Variants in FRMPD1 observed in about 807,000 individuals in gnomAD.
The protein encoded by FRMPD1 is FERM and PDZ domain-containing protein 1.
FRMPD1 carries 76 observed loss-of-function variants against 117.8 expected under a neutral mutation model. That is an observed-to-expected ratio of 0.65 (90% CI 0.54 to 0.78). FRMPD1 has a LOEUF of 0.78. FRMPD1 is among the 30% of genes least tolerant of loss of function. The probability of loss-of-function intolerance (pLI) is 0.00; values close to 1 mark genes in which losing one functional copy is unlikely to be tolerated. For missense variants in FRMPD1, 1,786 were observed against 1,964.5 expected, an observed-to-expected ratio of 0.91 and a Z score of 1.72; for synonymous variants, 783 against 770.4, an observed-to-expected ratio of 1.02 and a Z score of -0.27.
rs141619958 is a variant in FRMPD1, at chr9:37,658,054, A to T, written c.-5+6960A>T. On this transcript the variant is annotated intron_variant, in intron 1 of 15. Coordinates refer to ENST00000377765, the MANE Select transcript of FRMPD1 (RefSeq NM_014907.3). The stretch of plus-strand genomic sequence containing the variant: ...AAATCCATTTCTTCTTCCCTATGAC[A>T]GCTAGTTAGGCCACTTGGACCTTCA... 4.2e-3 allele frequency among the ~76,000 whole-genome samples: 640 copies of T among 152,252 alleles called. 4 individuals are homozygous for T. The highest frequency in any genetic ancestry group is 0.015 in the African/African-American group (604 of 41,542).
intron 5 of FRMPD1, among the ~76,000 whole-genome samples, chr9:37,717,858 A>T (rs1028278032): frequency 6.6e-6 from 1 of 152,128 alleles, no homozygotes; most frequent in Non-Finnish European, 1.5e-5. Flanking sequence ...CCCTAGATTC[A>T]AGAGGTATGG....
intron 9 of FRMPD1, among the ~76,000 whole-genome samples, chr9:37,731,340 A>G (rs1306309569): frequency 1.3e-5 from 2 of 152,178 alleles, no homozygotes; most frequent in Non-Finnish European, 1.5e-5. Context: ...TAGATGATAC[A>G]TTTTCTAATA....
chr9:37,745,895 G>A lies in FRMPD1; in HGVS notation c.3863G>A (p.Cys1288Tyr). 1.2e-6 allele frequency: 2 copies of A among 1,614,228 alleles called. No homozygotes were observed. The highest frequency in any genetic ancestry group is 1.7e-6 in the Non-Finnish European group (2 of 1,180,050). ...GGCAAAAGTGACAGCTCTAGCATCT[G>A]CCTTTCTGCTGAGAAGTCTTTTCTG... ...SEGKSDSSSICLSAEKSFLCF... is the reference protein window; with the variant it reads ...SEGKSDSSSIYLSAEKSFLCF... Residue 1288 changes from cysteine to tyrosine, a missense_variant, in exon 16 of 16, where the codon TGC (cysteine) becomes TAC (tyrosine). Cys to Tyr is a radical substitution (Grantham distance 194, BLOSUM62 -2). Coordinates refer to ENST00000377765, the MANE Select transcript of FRMPD1 (RefSeq NM_014907.3).
intron 1 of FRMPD1, among the ~76,000 whole-genome samples, chr9:37,688,953 A>G (rs188580217): frequency 5.7e-4 from 87 of 152,216 alleles, no homozygotes; most frequent in Middle Eastern, 3.4e-3. Context: ...AAACTAAGTT[A>G]AACATTATTA....
chr9:37,746,231 G>T lies in FRMPD1; in HGVS notation c.4199G>T (p.Trp1400Leu). Residue 1400 changes from tryptophan (W) to leucine (L), a missense_variant, in exon 16 of 16, where the codon TGG (tryptophan) becomes TTG (leucine). Trp to Leu is a moderately conservative substitution (Grantham distance 61). Coordinates refer to ENST00000377765, the MANE Select transcript of FRMPD1 (RefSeq NM_014907.3). ...TAPLSRKSHI[W>L]PEYCSRALRQ... ...CCCCTGTCGAGGAAAAGCCACATCT[G>T]GCCAGAGTACTGCTCCAGGGCACTG... 1 of 1,613,026 alleles carries T rather than the reference G, an allele frequency of 6.2e-7. No individual in the cohort carries two copies.
Position 37,724,208 on chromosome 9 carries a change from A to C in FRMPD1, c.517-17A>C. ...TAAAAAAAGACAGGGATACAACAAT[A>C]CTCTTGTGTTTTCCAGGGTAATTCT... On this transcript the variant is annotated splice_polypyrimidine_tract_variant and intron_variant, in intron 6 of 15. Transcript: ENST00000377765. 1 of 1,345,254 alleles carries C rather than the reference A, an allele frequency of 7.4e-7. No homozygotes were observed. Among genetic ancestry groups the C allele is most frequent in the Non-Finnish European group, 1.1e-6 (1 of 935,132 alleles). 83.3% of individuals were successfully genotyped at this position (1,345,254 alleles called of 1,614,324 possible). A position where few individuals can be genotyped will look rare whatever the true frequency, so the allele number is the denominator to read the frequency against.
intron 8 of FRMPD1, among the ~76,000 whole-genome samples, chr9:37,730,194 C>G (rs1405274617): frequency 6.6e-6 from 1 of 152,176 alleles, no homozygotes; most frequent in Non-Finnish European, 1.5e-5. Flanking sequence ...GCACCTGCTG[C>G]CTTTGAGCCA....
chr9:37,656,528 A>G (rs1367535863), intron 1 of FRMPD1, among the ~76,000 whole-genome samples: 1 of 152,228 alleles, frequency 6.6e-6, no homozygotes, highest in Non-Finnish European at 1.5e-5. Context: ...CTTAACACCA[A>G]TCAATGTATA....
Position 37,740,875 on chromosome 9 carries a change from C to T in FRMPD1, c.2347C>T (p.Pro783Ser). 5.0e-6 allele frequency: 8 copies of T among 1,613,490 alleles called. No individual in the cohort carries two copies. The highest frequency in any genetic ancestry group is 6.8e-6 in the Non-Finnish European group (8 of 1,179,392). ...DAADKLTPPG[P>S]PSGPRDVSTA... Reference sequence around the variant, plus strand: ...GGCTGATAAGCTCACTCCCCCAGGCCCCCCGTCAGGTGAGCCGTCCCTTGC... The same window carrying T: ...GGCTGATAAGCTCACTCCCCCAGGCTCCCCGTCAGGTGAGCCGTCCCTTGC... The change falls in exon 15 of 16, where the codon CCC (proline) becomes TCC (serine). Residue 783 changes from proline (P) to serine (S), a missense_variant. Pro to Ser is a moderately conservative substitution (Grantham distance 74). Transcript: ENST00000377765. This position sits in a 1 kb window ranked among gnomAD's most constrained non-coding sequence, Gnocchi z 4.2.
chr9:37,678,251 CTTTTTTTTTTTTT>C (rs34040451), intron 1 of FRMPD1, among the ~76,000 whole-genome samples: 7,027 of 79,976 alleles, frequency 0.088, 351 homozygotes, highest in Middle Eastern at 0.13. Flanking sequence ...GTACTTACCA[CTTTTTTTTTTTTT>C]TTTTTTTTTT....
chr9:37,704,810 C>T (rs1315087734), intron 2 of FRMPD1, among the ~76,000 whole-genome samples: 1 of 151,240 alleles, frequency 6.6e-6, no homozygotes, highest in Non-Finnish European at 1.5e-5. Context: ...TACATTAAAT[C>T]TCTATTTAAT....
chr9:37,731,140 G>A (rs765635459), intron 9 of FRMPD1, 37 bp downstream of exon 9: 4 of 1,603,494 alleles, frequency 2.5e-6, no homozygotes, highest in Admixed American at 3.3e-5. Flanking sequence ...AACAGTGGTT[G>A]TTCTCAAAGA....
intron 14 of FRMPD1, 93 bp from the exon 15 acceptor site, chr9:37,739,985 C>A: frequency 1.1e-6 from 1 of 940,384 alleles, no homozygotes; most frequent in Non-Finnish European, 1.6e-6. Context: ...TCAGTTTTCT[C>A]GTCTGGCAGG....
chr9:37,680,071 G>A (rs1003925526), intron 1 of FRMPD1, among the ~76,000 whole-genome samples: 1 of 152,180 alleles, frequency 6.6e-6, no homozygotes, highest in Non-Finnish European at 1.5e-5. Flanking sequence ...GGAGTGGCCT[G>A]GGTCCCCATC....
At chr9:37,611,297 A>C in the FRMPD1 span, among the ~76,000 whole-genome samples, 1 of 152,186 alleles carries the variant, frequency 6.6e-6, no homozygotes, top group East Asian at 1.9e-4. Context: ...GAAATTGTAT[A>C]AGCAAATTTT....
At chr9:37,668,044 T>C (rs1821221723) in intron 1 of FRMPD1, 1 of 152,290 alleles carries the variant, frequency 6.6e-6, no homozygotes, top group Non-Finnish European at 1.5e-5. Context: ...CCAAGTATTA[T>C]GTGGCACAGA....
At chr9:37,612,434 C>T in the FRMPD1 span, among the ~76,000 whole-genome samples, 6 of 151,244 alleles carry the variant, frequency 4.0e-5, no homozygotes, top group African/African-American at 9.7e-5. Flanking sequence ...CTGCAACCTC[C>T]GCTTCTCGGG....
At chr9:37,708,269 G>T (rs1822783899) in intron 3 of FRMPD1, 130 bp from the exon 4 acceptor site, 3 of 649,334 alleles carry the variant, frequency 4.6e-6, no homozygotes, top group Non-Finnish European at 8.3e-6. Flanking sequence ...GCCCAAGCCT[G>T]ACTGAAGGCG....
chr9:37,638,002 T>TTCTCTCTC, the FRMPD1 span, among the ~76,000 whole-genome samples: 4 of 126,698 alleles, frequency 3.2e-5, no homozygotes. Context: ...CTTTCTTTCT[T>TTCTCTCTC]TCTTTCTTTC....
Sources: allele counts gnomAD v4.1 joint callset (sites outside exome capture counted in the v4.1 genomes callset), GRCh38; gene constraint gnomAD v4.1.1; non-coding constraint Gnocchi (gnomAD v3.1); transcripts MANE v1.5; gene names NCBI Gene and HGNC (gene_info 2026-07-23, HGNC 2026-07-21).